Variants in ADCY7 observed in about 807,000 individuals in gnomAD.
The protein encoded by ADCY7 is adenylate cyclase type 7.
Under a neutral mutation model 120.6 loss-of-function variants are expected in ADCY7, and 72 were observed. That is an observed-to-expected ratio of 0.60 (90% CI 0.49 to 0.73). ADCY7 has a LOEUF of 0.73. ADCY7 is among the 30% of genes least tolerant of loss of function. The pLI, the probability that ADCY7 is intolerant of heterozygous loss-of-function variation, is 0.00. For missense variants in ADCY7, 1,227 were observed against 1,486.0 expected (o/e 0.83, Z 2.87); for synonymous variants, 661 against 628.0 (o/e 1.05, Z -0.78).
chr16:50,282,738 T>TCTA (rs10638319), intron 1 of ADCY7, among the ~76,000 whole-genome samples: 1 of 150,100 alleles, frequency 6.7e-6, no homozygotes, highest in Non-Finnish European at 1.5e-5. Context: ...CAGACAGGAT[T>TCTA]CTCTATCACC....
chr16:50,290,680 C>A lies in ADCY7; in HGVS notation c.375+20C>A. ...GAGCAGGTAACAGGAACTCTGGACTCCCTGCCAGCTGCGCCTTCAGCAGCT... is the reference window on the plus strand; with the variant it reads ...GAGCAGGTAACAGGAACTCTGGACTACCTGCCAGCTGCGCCTTCAGCAGCT... On this transcript the variant is annotated intron_variant, in intron 3 of 25. Coordinates refer to ENST00000673801, the MANE Select transcript of ADCY7 (RefSeq NM_001114.5). The A allele has an allele frequency of 6.2e-7, 1 of 1,604,148 alleles. No individual in the cohort carries two copies. The highest frequency in any genetic ancestry group is 1.3e-5 in the African/African-American group (1 of 74,862).
At chr16:50,256,429 G>A (rs999013776) in intron 1 of ADCY7, among the ~76,000 whole-genome samples, 6 of 152,194 alleles carry the variant, frequency 3.9e-5, no homozygotes, top group African/African-American at 7.2e-5. Context: ...GAAGCCAGGC[G>A]TGGTGGCTCA....
chr16:50,254,675 T>C (rs2032858099), intron 1 of ADCY7, among the ~76,000 whole-genome samples: 1 of 152,156 alleles, frequency 6.6e-6, no homozygotes, highest in Non-Finnish European at 1.5e-5. Context: ...GAAGAATTAA[T>C]ATCGTGCAAA....
chr16:50,311,140 C>T (rs1454509390), intron 19 of ADCY7, among the ~76,000 whole-genome samples: 5 of 152,206 alleles, frequency 3.3e-5, no homozygotes, highest in Admixed American at 1.3e-4. Context: ...AGCTCTAGCT[C>T]TGTGCCTCTC....
At chr16:50,270,636 T>G (rs2033506999) in intron 1 of ADCY7, among the ~76,000 whole-genome samples, 2 of 152,172 alleles carry the variant, frequency 1.3e-5, no homozygotes, top group South Asian at 4.1e-4. Flanking sequence ...GGTGGGAGAT[T>G]GGACCTCCCT....
At position 50,304,665 on chromosome 16, in the gene ADCY7, G is replaced by A. The variant is rs1219111434; in HGVS notation, c.1560+114G>A. On this transcript the variant is annotated intron_variant, in intron 11 of 25. Coordinates refer to ENST00000673801, the MANE Select transcript of ADCY7 (RefSeq NM_001114.5). ...GCCTCACTGTCCCCATCTGTAAAAT[G>A]GCCACAGCCTCTGCCCCACCTCCTG... 3 of 1,172,714 alleles carry A rather than the reference G, an allele frequency of 2.6e-6. No homozygotes were observed. In the African/African-American group the frequency reaches 4.6e-5, roughly 18 times the overall value. 72.6% of individuals were successfully genotyped at this position (1,172,714 alleles called of 1,614,324 possible).
Position 50,308,417 on chromosome 16 carries a change from TGGGGA to T in ADCY7, c.1935+8_1935+12del, listed in dbSNP as rs759084670. ...GCTTTGCCACCAAGTTCTCGGTAAG[TGGGGA>T]GCTCTGGCCCCGCGGGCCCTCCCTC... On this transcript the variant is annotated splice_region_variant and intron_variant, in intron 16 of 25. Transcript: ENST00000673801. 3.1e-5 allele frequency: 50 copies of T among 1,613,968 alleles called. No homozygotes were observed. In the South Asian group the frequency reaches 5.4e-4, roughly 17 times the overall value.
Position 50,304,389 on chromosome 16 carries a change from C to A in ADCY7, c.1398C>A (p.His466Gln), listed in dbSNP as rs528947359. 1.3e-4 allele frequency: 198 copies of A among 1,559,120 alleles called. 4 individuals are homozygous for A. In the South Asian group the frequency reaches 2.1e-3, roughly 17 times the overall value. Residue 466 changes from histidine (H) to glutamine (Q), a missense_variant, in exon 11 of 26, where the codon CAC becomes CAA. By Grantham distance (24) the His-to-Gln change is conservative (BLOSUM62 0). Transcript: ENST00000673801. Reference sequence around the variant, plus strand: ...AGCAGCCACCCCCGCCCAGCCAACACCTCCCCAGGCCCAAGGGGGACGCGG... The same window carrying A: ...AGCAGCCACCCCCGCCCAGCCAACAACTCCCCAGGCCCAAGGGGGACGCGG... The part of the protein sequence containing the change: ...RSQQPPPPSQ[H>Q]LPRPKGDAAL...
At chr16:50,289,707 C>G (rs778014166) in intron 2 of ADCY7, among the ~76,000 whole-genome samples, 10 of 152,230 alleles carry the variant, frequency 6.6e-5, no homozygotes, top group Non-Finnish European at 1.3e-4. Flanking sequence ...CTCAGCTGAT[C>G]CACCTGCCTC....
At chr16:50,308,258 G>A in intron 15 of ADCY7, 69 bp from the exon 16 acceptor site, 1 of 1,613,704 alleles carries the variant, frequency 6.2e-7, no homozygotes, top group South Asian at 1.1e-5. Flanking sequence ...GTGAGCCAGA[G>A]GATTGGTGGG....
At chr16:50,301,673 C>G (rs909560024) in intron 10 of ADCY7, 3 of 175,364 alleles carry the variant, frequency 1.7e-5, no homozygotes, top group Non-Finnish European at 3.7e-5. Flanking sequence ...TGCAGGTCCC[C>G]TGGTGGCTCC....
intron 2 of ADCY7, 49 bp from the exon 3 acceptor site, chr16:50,290,408 C>CT (rs757973119): frequency 6.2e-7 from 1 of 1,605,776 alleles, no homozygotes; most frequent in East Asian, 2.2e-5. Flanking sequence ...GAGGAGGTGG[C>CT]TCTGCACTGG....
chr16:50,299,249 G>T (rs1332143021), intron 8 of ADCY7, among the ~76,000 whole-genome samples: 2 of 152,266 alleles, frequency 1.3e-5, no homozygotes, highest in African/African-American at 4.8e-5. Flanking sequence ...CTGAGTCCCA[G>T]AAAGCATCTC....
chr16:50,312,979 C>T lies in ADCY7; in HGVS notation c.2694C>T (p.Asn898=). 1.2e-6 allele frequency: 2 copies of T among 1,614,230 alleles called. No individual in the cohort carries two copies. Among genetic ancestry groups the T allele is most frequent in the Non-Finnish European group, 1.7e-6 (2 of 1,180,040 alleles). Residue 898 remains asparagine, a synonymous_variant, in exon 22 of 26, where the codon AAC becomes AAT. Transcript: ENST00000673801. ...TGTTCTACACAGAGTGCGATGTCAACAAAGAAGGGCTGGAGTGCCTACGCC... is the reference window on the plus strand; with the variant it reads ...TGTTCTACACAGAGTGCGATGTCAATAAAGAAGGGCTGGAGTGCCTACGCC... The part of the protein sequence containing the change: ...FKVFYTECDV[N]KEGLECLRLL...
chr16:50,291,929 T>C (rs2035003989), intron 4 of ADCY7, 32 bp downstream of exon 4: 1 of 1,574,316 alleles, frequency 6.4e-7, no homozygotes, highest in Admixed American at 1.8e-5. Context: ...CTGGGGGAGG[T>C]TTTGTGGTCT....
Position 50,314,275 on chromosome 16 carries a change from C to T in ADCY7, c.2857-17C>T. 6.2e-7 allele frequency: 1 copy of T among 1,612,178 alleles called. No individual in the cohort carries two copies. Among genetic ancestry groups the T allele is most frequent in the Non-Finnish European group, 8.5e-7 (1 of 1,178,414 alleles). The stretch of plus-strand genomic sequence containing the variant: ...GCTCTGGAGATGCAAGGATCTGACC[C>T]ACAGCCTGTCCCGCAGGAGCTGGAG... On this transcript the variant is annotated splice_polypyrimidine_tract_variant and intron_variant, in intron 23 of 25. Coordinates refer to ENST00000673801, the MANE Select transcript of ADCY7 (RefSeq NM_001114.5).
At chr16:50,314,781 A>G (rs965837063) in intron 24 of ADCY7, 1 of 531,342 alleles carries the variant, frequency 1.9e-6, no homozygotes, top group Non-Finnish European at 3.3e-6. Flanking sequence ...TAGCAGATAC[A>G]AGTGTTAACA....
At chr16:50,314,188 C>T in intron 23 of ADCY7, 104 bp from the exon 24 acceptor site, 2 of 1,421,242 alleles carry the variant, frequency 1.4e-6, no homozygotes, top group African/African-American at 1.4e-5. Flanking sequence ...AGGGCTCAGC[C>T]AGGATTTTAG....
chr16:50,307,113 T>A lies in ADCY7; in HGVS notation c.1816T>A (p.Cys606Ser). The A allele has an allele frequency of 6.2e-7, 1 of 1,612,190 alleles. No individual in the cohort carries two copies. Among genetic ancestry groups the A allele is most frequent in the Non-Finnish European group, 8.5e-7 (1 of 1,179,986 alleles). Residue 606 changes from cysteine to serine, a missense_variant, in exon 15 of 26, where the codon TGC becomes AGC. Cys to Ser is a moderately radical substitution (Grantham distance 112). Around this residue, in one of 5 missense-constraint regions of ADCY7, gnomAD observed 332 missense variants for 455.8 expected, o/e 0.73. Coordinates refer to ENST00000673801, the MANE Select transcript of ADCY7 (RefSeq NM_001114.5). Reference sequence around the variant, plus strand: ...TGCCTGCGCCAGCCTGATCTTCGTCTGCATCCTGCTCGTCCATGTCCTGCT... The same window carrying A: ...TGCCTGCGCCAGCCTGATCTTCGTCAGCATCCTGCTCGTCCATGTCCTGCT... ...DFACASLIFV[C>S]ILLVHVLLMP...
Sources: allele counts gnomAD v4.1 joint callset (sites outside exome capture counted in the v4.1 genomes callset), GRCh38; gene constraint gnomAD v4.1.1; regional missense constraint gnomAD v4.1.1; transcripts MANE v1.5; gene names NCBI Gene and HGNC (gene_info 2026-07-23, HGNC 2026-07-21).